CKS2: variants seen among roughly 807,000 people sequenced by gnomAD.
The protein encoded by CKS2 is cyclin-dependent kinases regulatory subunit 2.
A neutral mutation model predicts 14.3 loss-of-function variants in CKS2; 4 were observed. That is an observed-to-expected ratio of 0.28 (90% CI 0.14 to 0.64). The LOEUF (loss-of-function observed/expected upper bound fraction) is 0.64. Ranked by LOEUF, CKS2 falls within the 30% of genes least tolerant of loss-of-function variation. The pLI, the probability that CKS2 is intolerant of heterozygous loss-of-function variation, is 0.83. For missense variants in CKS2, 71 were observed against 94.3 expected (o/e 0.75, Z 1.02); for synonymous variants, 33 against 28.7 (o/e 1.15, Z -0.48).
chr9:89,315,434 T>C, intron 2 of CKS2, 137 bp downstream of exon 2: 1 of 610,980 alleles, frequency 1.6e-6, no homozygotes, highest in Non-Finnish European at 2.4e-6. Flanking sequence ...TTTTAATGAC[T>C]AATTTCTTGA....
rs1398333117 is a variant in CKS2 at position 89,314,610 on chromosome 9, A to AT, written c.60-554dup. ...GAAACCCAAATTAACTGTAACTTAG[A>AT]TTTTTTCGTTACATAAAAGTCTAAT... On this transcript the variant is annotated intron_variant, in intron 1 of 2. Coordinates refer to ENST00000314355, the MANE Select transcript of CKS2 (RefSeq NM_001827.3). 4.6e-5 allele frequency among the ~76,000 whole-genome samples: 7 copies of AT among 152,256 alleles called. No individual in the cohort carries two copies. The East Asian group carries it at 7.7e-4, about 17-fold the overall frequency.
At chr9:89,312,841 TA>T (rs775320433) in intron 1 of CKS2, among the ~76,000 whole-genome samples, 1 of 152,180 alleles carries the variant, frequency 6.6e-6, no homozygotes, top group Non-Finnish European at 1.5e-5. Context: ...CCTAGAAAAT[TA>T]TTCTGAAACA....
chr9:89,311,359 C>A lies in CKS2; in HGVS notation c.59+8C>A, dbSNP rs1824602347. ...CGAACACTACGAGTACCGGTGGGCG[C>A]CTTTCTTAGACCCCGAGCCGGCTCC... is the stretch of plus-strand genomic sequence containing the variant. On this transcript the variant is annotated splice_region_variant and intron_variant, in intron 1 of 2. Coordinates refer to ENST00000314355, the MANE Select transcript of CKS2 (RefSeq NM_001827.3). 3.1e-6 allele frequency: 5 copies of A among 1,601,274 alleles called. No homozygotes were observed. Among genetic ancestry groups the A allele is most frequent in the Non-Finnish European group, 4.3e-6 (5 of 1,175,350 alleles).
intron 2 of CKS2, 130 bp downstream of exon 2, chr9:89,315,427 TAA>T: frequency 1.5e-6 from 1 of 678,544 alleles, no homozygotes; most frequent in Non-Finnish European, 2.1e-6. Context: ...TTTTTTTTTT[TAA>T]TGACTAATTT....
intron 1 of CKS2, 86 bp downstream of exon 1, chr9:89,311,437 T>C: frequency 2.1e-6 from 1 of 479,026 alleles, no homozygotes; most frequent in Non-Finnish European, 3.5e-6. Context: ...GGGTCGGGGG[T>C]GGGGGCCGGG....
intron 2 of CKS2, among the ~76,000 whole-genome samples, chr9:89,316,098 C>G (rs1364298662): frequency 6.6e-6 from 1 of 151,940 alleles, no homozygotes; most frequent in Non-Finnish European, 1.5e-5. Context: ...TTTCTGTGCC[C>G]CACCTATTGA....
At position 89,311,212 on chromosome 9, in the gene CKS2, T is replaced by C. The variant is rs774566263; in HGVS notation, c.-81T>C. On this transcript the variant is annotated 5_prime_UTR_variant, in exon 1 of 3. Transcript: ENST00000314355. ...CTGCGGTCGTTAGTCTCCGGCGAGT[T>C]GTTGCCTGGGCTGGACGTGGTTTTG... The C allele has an allele frequency of 8.4e-7, 1 of 1,193,170 alleles. No homozygotes were observed. Among genetic ancestry groups the C allele is most frequent in the Non-Finnish European group, 1.2e-6 (1 of 814,632 alleles). The allele number at this position is 1,193,170 out of a possible 1,614,324, so 73.9% of individuals were successfully genotyped here.
chr9:89,315,570 A>G (rs1470638026), intron 2 of CKS2, among the ~76,000 whole-genome samples: 1 of 151,852 alleles, frequency 6.6e-6, no homozygotes, highest in East Asian at 1.9e-4. Context: ...TAAAATCTGT[A>G]TCATTGTTAA....
At chr9:89,313,949 T>G (rs1396708442) in intron 1 of CKS2, among the ~76,000 whole-genome samples, 1 of 152,226 alleles carries the variant, frequency 6.6e-6, no homozygotes, top group Non-Finnish European at 1.5e-5. Flanking sequence ...AGGCTCACTT[T>G]GCCCTGCAAA....
intron 1 of CKS2, among the ~76,000 whole-genome samples, chr9:89,313,419 C>T (rs978655207): frequency 2.0e-5 from 3 of 152,212 alleles, no homozygotes; most frequent in African/African-American, 7.2e-5. Context: ...TTTTTCTGGG[C>T]AGCCTTACAA....
At chr9:89,316,232 A>G in intron 2 of CKS2, 141 bp from the exon 3 acceptor site, 1 of 620,634 alleles carries the variant, frequency 1.6e-6, no homozygotes. Context: ...TAACTGTGAA[A>G]AAAAAATCAT....
chr9:89,311,784 C>T (rs1048438688), intron 1 of CKS2, among the ~76,000 whole-genome samples: 4 of 152,174 alleles, frequency 2.6e-5, no homozygotes, highest in African/African-American at 9.7e-5. Context: ...CACCTGGTGC[C>T]GTCCTTTTTC....
At chr9:89,312,024 A>AT (rs1287643698) in intron 1 of CKS2, among the ~76,000 whole-genome samples, 1 of 152,106 alleles carries the variant, frequency 6.6e-6, no homozygotes, top group Non-Finnish European at 1.5e-5. Flanking sequence ...GATTTGGGCC[A>AT]TTATAGGTTA....
intron 1 of CKS2, among the ~76,000 whole-genome samples, chr9:89,313,017 TAGAAG>T (rs1156660800): frequency 1.3e-5 from 2 of 152,234 alleles, no homozygotes; most frequent in Non-Finnish European, 2.9e-5. Flanking sequence ...TGGTAATGTA[TAGAAG>T]AAAGTTTACA....
rs1824675764 is a variant in CKS2, at chr9:89,314,643, G to C, written c.60-527G>C. Among the ~76,000 whole-genome samples the C allele has an allele frequency of 2.0e-5, 3 of 152,100 alleles. No individual in the cohort carries two copies. In the South Asian group the frequency reaches 6.2e-4, roughly 32 times the overall value. ...GTTACATAAAAGTCTAATAATCTGG[G>C]GCAGGGATAACAGCTTTACAGTCAA... On this transcript the variant is annotated intron_variant, in intron 1 of 2. Coordinates refer to ENST00000314355, the MANE Select transcript of CKS2 (RefSeq NM_001827.3).
chr9:89,314,733 C>A (rs1824677314), intron 1 of CKS2, among the ~76,000 whole-genome samples: 1 of 152,136 alleles, frequency 6.6e-6, no homozygotes, highest in African/African-American at 2.4e-5. Context: ...CTTCTATGGT[C>A]CTAGATTCCT....
Position 89,315,257 on chromosome 9 carries a change from A to T in CKS2, c.147A>T (p.Gln49His). 1 of 1,611,518 alleles carries T rather than the reference A, an allele frequency of 6.2e-7. No individual in the cohort carries two copies. The highest frequency in any genetic ancestry group is 8.5e-7 in the Non-Finnish European group (1 of 1,178,548). Residue 49 changes from glutamine (Q) to histidine (H), a missense_variant, in exon 2 of 3, where the codon CAA becomes CAT. Physicochemically the swap from Gln to His is conservative, Grantham distance 24. Coordinates refer to ENST00000314355, the MANE Select transcript of CKS2 (RefSeq NM_001827.3). ...SEEEWRRLGV[Q>H]QSLGWVHYMI... ...AGGAGTGGAGGAGACTTGGTGTCCA[A>T]CAGAGTCTAGGCTGGGTTCATTACA...
chr9:89,312,178 GAAGCACCGTACT>G (rs2131462073), intron 1 of CKS2: 1 of 154,770 alleles, frequency 6.5e-6, no homozygotes, highest in Admixed American at 6.5e-5. Context: ...TTTGAGTCCT[GAAGCACCGTACT>G]AGAACATGGT....
rs142658921 is a variant in CKS2 at position 89,315,360 on chromosome 9, A to G, written c.187+63A>G. The G allele has an allele frequency of 4.2e-4, 573 of 1,361,036 alleles. 1 individual carries two copies. The African/African-American group carries it at 7.7e-3, about 18-fold the overall frequency. The allele number at this position is 1,361,036 out of a possible 1,614,324, so 84.3% of individuals were successfully genotyped here. On this transcript the variant is annotated intron_variant, in intron 2 of 2. Coordinates refer to ENST00000314355, the MANE Select transcript of CKS2 (RefSeq NM_001827.3). Reference sequence around the variant, plus strand: ...GAAATATTGGTGGTTATGGTTGTCAAAATTTTAAAAATATCATTGACATCA... The same window carrying G: ...GAAATATTGGTGGTTATGGTTGTCAGAATTTTAAAAATATCATTGACATCA...
Sources: gnomAD v4.1 joint callset for allele counts (sites outside exome capture counted in the v4.1 genomes callset) on GRCh38, gnomAD v4.1.1 for gene constraint, MANE v1.5 for transcripts, NCBI Gene and HGNC (gene_info 2026-07-23, HGNC 2026-07-21) for gene names.